The following C10orf71 variants were observed in gnomAD, a reference collection of about 807,000 sequenced individuals.
The protein encoded by C10orf71 is cardiac-enriched FHL2-interacting protein.
For synonymous variants in C10orf71, 758 were observed against 726.3 expected, an observed-to-expected ratio of 1.04 and a Z score of -0.70; for missense variants, 1,869 against 1,804.5, an observed-to-expected ratio of 1.04 and a Z score of -0.65.
chr10:49,302,896 A>G (rs1461603758), intron 1 of C10orf71, among the ~76,000 whole-genome samples: 1 of 152,136 alleles, frequency 6.6e-6, no homozygotes, highest in Non-Finnish European at 1.5e-5. Context: ...TTCATAGGTC[A>G]GCCCTGTCAC....
chr10:49,299,765 C>A (rs1161372864), intron 1 of C10orf71, among the ~76,000 whole-genome samples: 2 of 152,198 alleles, frequency 1.3e-5, no homozygotes, highest in Non-Finnish European at 2.9e-5. Flanking sequence ...ACTGCGCTGT[C>A]AAATGGGTGA....
At chr10:49,300,588 C>G (rs1286970679) in intron 1 of C10orf71, among the ~76,000 whole-genome samples, 1 of 152,090 alleles carries the variant, frequency 6.6e-6, no homozygotes, top group Non-Finnish European at 1.5e-5. Flanking sequence ...CTTTTTAGGC[C>G]TGGCTGATAC....
intron 2 of C10orf71, among the ~76,000 whole-genome samples, chr10:49,317,806 A>G (rs1179671602): frequency 6.6e-6 from 1 of 152,218 alleles, no homozygotes; most frequent in Admixed American, 6.5e-5. Flanking sequence ...AGCTATGATT[A>G]CGCCACTACA....
intron 1 of C10orf71, among the ~76,000 whole-genome samples, chr10:49,302,890 T>C (rs1202891680): frequency 2.0e-5 from 3 of 152,206 alleles, no homozygotes; most frequent in Non-Finnish European, 4.4e-5. Flanking sequence ...TCTGGGTTCA[T>C]AGGTCAGCCC....
Position 49,327,025 on chromosome 10 carries a change from A to C in C10orf71, c.*172A>C, listed in dbSNP as rs1241012640. 2 of 1,577,930 alleles carry C rather than the reference A, an allele frequency of 1.3e-6. No individual in the cohort carries two copies. Among genetic ancestry groups the C allele is most frequent in the Non-Finnish European group, 1.7e-6 (2 of 1,159,532 alleles). On this transcript the variant is annotated 3_prime_UTR_variant, in exon 3 of 3. Coordinates refer to ENST00000374144, the MANE Select transcript of C10orf71 (RefSeq NM_001135196.2). ...AGTCCAGAAGGCAGTAGGGATCCCAAGACGACCTCACCCAAAGGGCTCCCT... is the reference window on the plus strand; with the variant it reads ...AGTCCAGAAGGCAGTAGGGATCCCACGACGACCTCACCCAAAGGGCTCCCT...
rs117625352 is a variant in C10orf71 at position 49,326,331 on chromosome 10, G to A, written c.3786G>A (p.Gln1262=). Residue 1262 remains glutamine (Q), a synonymous_variant, in exon 3 of 3, where the codon CAG becomes CAA. Transcript: ENST00000374144. ...EPVGRRPGGP[Q]SLTPLPAYPA... ...TCGGGAGGCGGCCCGGGGGCCCCCA[G>A]TCCCTCACACCCCTGCCCGCGTACC... 649 of 1,549,838 alleles carry A rather than the reference G, an allele frequency of 4.2e-4. 3 individuals carry two copies. In the East Asian group the frequency reaches 0.015, roughly 35 times the overall value.
Position 49,323,162 on chromosome 10 carries a change from A to G in C10orf71, c.617A>G (p.His206Arg). 6.2e-7 allele frequency: 1 copy of G among 1,613,972 alleles called. No individual in the cohort carries two copies. Among genetic ancestry groups the G allele is most frequent in the Non-Finnish European group, 8.5e-7 (1 of 1,179,880 alleles). Residue 206 changes from histidine (H) to arginine (R), a missense_variant, in exon 3 of 3, where the codon CAT (histidine) becomes CGT (arginine). Coordinates refer to ENST00000374144, the MANE Select transcript of C10orf71 (RefSeq NM_001135196.2). ...GTGCCCGCTGAAGTTTCCAACACCCATCAGAACAGCTACCAGCCAGGCAGG... is the reference window on the plus strand; with the variant it reads ...GTGCCCGCTGAAGTTTCCAACACCCGTCAGAACAGCTACCAGCCAGGCAGG... ...RRVPAEVSNT[H>R]QNSYQPGRKH...
chr10:49,317,316 C>A (rs960446712), intron 2 of C10orf71, among the ~76,000 whole-genome samples: 1 of 152,194 alleles, frequency 6.6e-6, no homozygotes, highest in African/African-American at 2.4e-5. Context: ...AGGACCTGGG[C>A]TCCTCACCTG....
intron 2 of C10orf71, among the ~76,000 whole-genome samples, chr10:49,320,695 G>T (rs1305319924): frequency 1.3e-5 from 2 of 152,172 alleles, no homozygotes; most frequent in African/African-American, 4.8e-5. Context: ...TTCTGCAGAA[G>T]ATCAGAACCA....
Position 49,326,122 on chromosome 10 carries a change from A to C in C10orf71, c.3577A>C (p.Lys1193Gln). 3 of 1,551,690 alleles carry C rather than the reference A, an allele frequency of 1.9e-6. No homozygotes were observed. Among genetic ancestry groups the C allele is most frequent in the Non-Finnish European group, 2.6e-6 (3 of 1,146,990 alleles). The change falls in exon 3 of 3, where the codon AAG becomes CAG. Residue 1193 changes from lysine to glutamine, a missense_variant. Lys to Gln is a moderately conservative substitution (Grantham distance 53, BLOSUM62 1). Coordinates refer to ENST00000374144, the MANE Select transcript of C10orf71 (RefSeq NM_001135196.2). ...RAKKLASKRR[K>Q]TDQAQEKHGE... ...AAAGAAGCTGGCAAGTAAGAGGAGG[A>C]AGACGGATCAGGCTCAGGAGAAGCA...
At chr10:49,317,469 G>C (rs1849018605) in intron 2 of C10orf71, among the ~76,000 whole-genome samples, 1 of 152,198 alleles carries the variant, frequency 6.6e-6, no homozygotes, top group African/African-American at 2.4e-5. Flanking sequence ...ATGACCTTTT[G>C]GAAATAAGGC....
Position 49,327,032 on chromosome 10 carries a change from C to T in C10orf71, c.*179C>T, listed in dbSNP as rs746813394. On this transcript the variant is annotated 3_prime_UTR_variant, in exon 3 of 3. Coordinates refer to ENST00000374144, the MANE Select transcript of C10orf71 (RefSeq NM_001135196.2). ...AAGGCAGTAGGGATCCCAAGACGAC[C>T]TCACCCAAAGGGCTCCCTGGCTCTC... 6.3e-7 allele frequency: 1 copy of T among 1,579,464 alleles called. No homozygotes were observed. The highest frequency in any genetic ancestry group is 8.6e-7 in the Non-Finnish European group (1 of 1,160,830).
At chr10:49,299,782 G>A (rs1848693792) in intron 1 of C10orf71, among the ~76,000 whole-genome samples, 1 of 152,210 alleles carries the variant, frequency 6.6e-6, no homozygotes, top group African/African-American at 2.4e-5. Flanking sequence ...GTGACCCCAT[G>A]GTCCCAGGTT....
intron 1 of C10orf71, chr10:49,299,469 C>T (rs1848686637): frequency 6.6e-6 from 1 of 152,360 alleles, no homozygotes; most frequent in African/African-American, 2.4e-5. Flanking sequence ...AGCCCAGACA[C>T]TTGTCTGGCT....
At position 49,325,471 on chromosome 10, in the gene C10orf71, G is replaced by A; in HGVS notation, c.2926G>A (p.Ala976Thr). 2 of 1,550,692 alleles carry A rather than the reference G, an allele frequency of 1.3e-6. No individual in the cohort carries two copies. The highest frequency in any genetic ancestry group is 2.4e-5 in the East Asian group (1 of 40,896). ...EGDRVKAPPD[A>T]APGLVASNCK... ...GGACCGGGTGAAGGCACCACCAGAT[G>A]CTGCACCTGGCCTCGTGGCAAGCAA... Residue 976 changes from alanine (A) to threonine (T), a missense_variant, in exon 3 of 3, where the codon GCT becomes ACT. By Grantham distance (58) the Ala-to-Thr change is moderately conservative (BLOSUM62 0). Transcript: ENST00000374144.
rs754413637 is a variant in C10orf71, at chr10:49,326,386, C to T, written c.3841C>T (p.Gln1281Ter). Residue 1281 changes from glutamine (Q) to a stop codon, truncating the protein, a stop_gained, in exon 3 of 3, where the codon CAG becomes TAG. Coordinates refer to ENST00000374144, the MANE Select transcript of C10orf71 (RefSeq NM_001135196.2). LOFTEE classifies it low-confidence loss of function (END_TRUNC). ...CACCCAGAAGGTCCTCCAGGATCCG[C>T]AGTCCGGGGAGTACTTTGTCTTCGA... ...PATQKVLQDPQSGEYFVFDLP... is the reference protein window; with the variant it reads ...PATQKVLQDP 10 of 1,550,456 alleles carry T rather than the reference C, an allele frequency of 6.4e-6. No individual in the cohort carries two copies. The East Asian group carries it at 2.2e-4, about 34-fold the overall frequency.
chr10:49,320,949 T>G (rs772134574), intron 2 of C10orf71, among the ~76,000 whole-genome samples: 2 of 152,154 alleles, frequency 1.3e-5, no homozygotes, highest in Non-Finnish European at 2.9e-5. Context: ...GTGTACAGTT[T>G]GATGAACTTG....
At chr10:49,319,868 C>T (rs1849065657) in intron 2 of C10orf71, among the ~76,000 whole-genome samples, 1 of 151,796 alleles carries the variant, frequency 6.6e-6, no homozygotes, top group African/African-American at 2.4e-5. Flanking sequence ...GGACATTATG[C>T]TAGAGAAATA....
At chr10:49,305,120 G>A (rs1235506092) in intron 1 of C10orf71, among the ~76,000 whole-genome samples, 2 of 152,192 alleles carry the variant, frequency 1.3e-5, no homozygotes, top group African/African-American at 4.8e-5. Context: ...AGGTGTCATG[G>A]GGTATGGGGA....
Sources: gnomAD v4.1 joint callset for allele counts (sites outside exome capture counted in the v4.1 genomes callset) on GRCh38, gnomAD v4.1.1 for gene constraint, MANE v1.5 for transcripts, NCBI Gene and HGNC (gene_info 2026-07-23, HGNC 2026-07-21) for gene names.